TIAM1: variants seen among roughly 807,000 people sequenced by gnomAD.
The protein encoded by TIAM1 is rho guanine nucleotide exchange factor TIAM1.
TIAM1 carries 65 observed loss-of-function variants against 163.5 expected under a neutral mutation model. The ratio of observed to expected loss-of-function variants is 0.40; its 90% CI spans 0.33 to 0.49. The LOEUF (loss-of-function observed/expected upper bound fraction) is 0.49, where lower values mean the gene tolerates loss of function less well. Ranked by LOEUF, TIAM1 falls within the 20% of genes least tolerant of loss-of-function variation. The pLI, the probability that TIAM1 is intolerant of heterozygous loss-of-function variation, is 0.77. For synonymous variants in TIAM1, 833 were observed against 810.1 expected, an observed-to-expected ratio of 1.03 and a Z score of -0.48; for missense variants, 1,789 against 2,044.7, an observed-to-expected ratio of 0.87 and a Z score of 2.41.
At chr21:31,287,252 G>A (rs748514836) in intron 2 of TIAM1, among the ~76,000 whole-genome samples, 1 of 152,122 alleles carries the variant, frequency 6.6e-6, no homozygotes. Flanking sequence ...GCTACGCTTA[G>A]GGCTATCTAA....
At chr21:31,195,376 T>C (rs1247873564) in intron 12 of TIAM1, 71 bp from the exon 13 acceptor site, 2 of 1,126,946 alleles carry the variant, frequency 1.8e-6, no homozygotes, top group East Asian at 4.9e-5. Flanking sequence ...CATCATTTCA[T>C]AAATCTATTT....
chr21:31,288,266 AC>A (rs1406429105), intron 2 of TIAM1, among the ~76,000 whole-genome samples: 2 of 152,144 alleles, frequency 1.3e-5, no homozygotes, highest in East Asian at 1.9e-4. Flanking sequence ...AACAAAAAAA[AC>A]AACCTTCCTG....
At chr21:31,322,150 AT>A (rs2059830736) in intron 2 of TIAM1, among the ~76,000 whole-genome samples, 1 of 152,242 alleles carries the variant, frequency 6.6e-6, no homozygotes, top group Non-Finnish European at 1.5e-5. Context: ...TTTGATTGCC[AT>A]CTTTTTGCTT....
intron 1 of TIAM1, among the ~76,000 whole-genome samples, chr21:31,548,138 T>G (rs1181310406): frequency 1.4e-5 from 2 of 139,526 alleles, no homozygotes; most frequent in Non-Finnish European, 3.1e-5. Flanking sequence ...GTGTCTTTTT[T>G]TTTTTTTTTT....
intron 1 of TIAM1, among the ~76,000 whole-genome samples, chr21:31,550,887 A>G (rs191061885): frequency 6.6e-6 from 1 of 152,198 alleles, no homozygotes; most frequent in Non-Finnish European, 1.5e-5. Context: ...GGTCTATGTC[A>G]GTAATATAAA....
chr21:31,319,160 T>C (rs1393651584), intron 2 of TIAM1, among the ~76,000 whole-genome samples: 1 of 152,192 alleles, frequency 6.6e-6, no homozygotes, highest in African/African-American at 2.4e-5. Context: ...TCTGGAGCTT[T>C]ACTTTCTGCT....
chr21:31,437,886 T>C (rs2044268081), intron 2 of TIAM1, among the ~76,000 whole-genome samples: 1 of 152,236 alleles, frequency 6.6e-6, no homozygotes, highest in Non-Finnish European at 1.5e-5. Flanking sequence ...TATTTCTTTA[T>C]AGCAGTGTGA....
chr21:31,135,293 TA>T (rs1485704395), intron 23 of TIAM1, among the ~76,000 whole-genome samples: 1 of 152,244 alleles, frequency 6.6e-6, no homozygotes, highest in Admixed American at 6.5e-5. Flanking sequence ...TCAAAAAGCA[TA>T]TTACAATACA....
At chr21:31,480,840 G>A (rs777130384) in intron 1 of TIAM1, among the ~76,000 whole-genome samples, 2 of 152,136 alleles carry the variant, frequency 1.3e-5, no homozygotes, top group Non-Finnish European at 2.9e-5. Context: ...TGCAACCTCC[G>A]TCTCCCAGGT....
At chr21:31,124,395 C>G (rs1415667149) in intron 27 of TIAM1, 127 bp downstream of exon 27, 1 of 1,366,678 alleles carries the variant, frequency 7.3e-7, no homozygotes, top group African/African-American at 1.5e-5. Flanking sequence ...CAGGGAAAAA[C>G]CGTCCTCCTA....
At chr21:31,491,082 G>C (rs753580372) in intron 1 of TIAM1, among the ~76,000 whole-genome samples, 5 of 152,200 alleles carry the variant, frequency 3.3e-5, no homozygotes, top group Non-Finnish European at 5.9e-5. Flanking sequence ...CGTGAGCCGG[G>C]ATTGCGCCAC....
chr21:31,382,464 C>G (rs1164721350), intron 2 of TIAM1, among the ~76,000 whole-genome samples: 1 of 152,198 alleles, frequency 6.6e-6, no homozygotes, highest in Non-Finnish European at 1.5e-5. Flanking sequence ...TCATTAGCTA[C>G]CACACTCCTA....
chr21:31,555,165 G>C (rs993885340), intron 1 of TIAM1, among the ~76,000 whole-genome samples: 1 of 150,094 alleles, frequency 6.7e-6, no homozygotes, highest in Non-Finnish European at 1.5e-5. Context: ...GGCCTACAAT[G>C]ATGATGAGAG....
chr21:31,464,845 G>GA (rs35141475), intron 1 of TIAM1, among the ~76,000 whole-genome samples: 135 of 100,350 alleles, frequency 1.3e-3, no homozygotes, highest in East Asian at 3.5e-3. Flanking sequence ...TCCGTCTCGG[G>GA]AAAAAAAAAA....
chr21:31,204,229 T>C (rs2086341879), intron 11 of TIAM1, among the ~76,000 whole-genome samples: 1 of 152,148 alleles, frequency 6.6e-6, no homozygotes, highest in Non-Finnish European at 1.5e-5. Context: ...GGGTACATCC[T>C]AAAGCGCTAA....
intron 2 of TIAM1, among the ~76,000 whole-genome samples, chr21:31,442,066 A>AAAAAAAAAT (rs1202451553): frequency 1.6e-4 from 3 of 18,786 alleles, no homozygotes; most frequent in Admixed American, 4.9e-4. Context: ...AGAACAAATA[A>AAAAAAAAAT]ATAAATATAT....
chr21:31,545,586 C>G (rs2048460997), intron 1 of TIAM1, among the ~76,000 whole-genome samples: 1 of 152,072 alleles, frequency 6.6e-6, no homozygotes, highest in Admixed American at 6.6e-5. Context: ...GGATATAAGA[C>G]TAGTGTCTAA....
At position 31,361,837 on chromosome 21, in the gene TIAM1, T is replaced by TTAGATATA. The variant is rs1555955734; in HGVS notation, c.-368-22416_-368-22415insTATATCTA. 8.8e-5 allele frequency among the ~76,000 whole-genome samples: 13 copies of TTAGATATA among 147,594 alleles called. No homozygotes were observed. In the Admixed American group the frequency reaches 8.8e-4, roughly 10 times the overall value. On this transcript the variant is annotated intron_variant, in intron 2 of 28. Transcript: ENST00000286827. ...CATAGATTCCTTTGAGGAAGAAAGA[T>TTAGATATA]TAGATAGATAGATAGATAGATAGAT...
intron 2 of TIAM1, among the ~76,000 whole-genome samples, chr21:31,292,477 C>G (rs144477266): frequency 6.6e-6 from 1 of 150,722 alleles, no homozygotes; most frequent in South Asian, 2.1e-4. Flanking sequence ...TCAAGTGATT[C>G]TCATGCCTCA....
Sources: allele counts gnomAD v4.1 joint callset (sites outside exome capture counted in the v4.1 genomes callset), GRCh38; gene constraint gnomAD v4.1.1; transcripts MANE v1.5; gene names NCBI Gene and HGNC (gene_info 2026-07-23, HGNC 2026-07-21).